SLC1A6: variants seen among roughly 807,000 people sequenced by gnomAD.
SLC1A6 encodes the protein solute carrier family 1 member 6, also known as excitatory amino acid transporter 4.
SLC1A6 carries 15 observed loss-of-function variants against 42.1 expected under a neutral mutation model. The observed-to-expected ratio is 0.36, with a 90% CI of 0.24 to 0.55. The LOEUF (loss-of-function observed/expected upper bound fraction) is 0.55. Among genes scored for constraint, SLC1A6 ranks in the 20% least tolerant of loss-of-function variants. The pLI is 0.88. For missense variants in SLC1A6, 542 were observed against 772.5 expected, an observed-to-expected ratio of 0.70 and a Z score of 3.54; for synonymous variants, 317 against 319.7, an observed-to-expected ratio of 0.99 and a Z score of 0.09.
intron 1 of SLC1A6, among the ~76,000 whole-genome samples, chr19:15,005,155 G>A (rs2045890015): frequency 6.6e-6 from 1 of 151,878 alleles, no homozygotes; most frequent in Non-Finnish European, 1.5e-5. Context: ...AGCTACCCAG[G>A]AGGCTGAGGC....
intron 1 of SLC1A6, among the ~76,000 whole-genome samples, chr19:15,006,633 A>G (rs2045896924): frequency 6.6e-6 from 1 of 151,512 alleles, no homozygotes; most frequent in Non-Finnish European, 1.5e-5. Flanking sequence ...ACTCAATACG[A>G]AAATATTTGG....
chr19:14,973,736 C>T (rs923504909), intron 1 of SLC1A6: 22 of 152,458 alleles, frequency 1.4e-4, no homozygotes, highest in African/African-American at 4.8e-4. Flanking sequence ...ACAAAGCACC[C>T]GGAGGCTAGT....
chr19:15,003,398 T>C (rs1345171702), intron 1 of SLC1A6, among the ~76,000 whole-genome samples: 1 of 152,086 alleles, frequency 6.6e-6, no homozygotes, highest in Admixed American at 6.5e-5. Context: ...AGGAAGCACC[T>C]CCTCTCCCAG....
At chr19:15,008,488 G>A (rs2045907350) in intron 1 of SLC1A6, among the ~76,000 whole-genome samples, 1 of 152,082 alleles carries the variant, frequency 6.6e-6, no homozygotes, top group Admixed American at 6.6e-5. Context: ...AACCTCTAGG[G>A]AAACAGATGG....
At position 14,952,917 on chromosome 19, in the gene SLC1A6, A is replaced by G. The variant is rs989501275; in HGVS notation, c.1499+11T>C. 1 of 1,612,950 alleles carries G rather than the reference A, an allele frequency of 6.2e-7. No homozygotes were observed. The highest frequency in any genetic ancestry group is 8.5e-7 in the Non-Finnish European group (1 of 1,179,410). ...GCAGGAGCACCAGGGTCCAGCCTAG[A>G]GAACACTCACAGGAACCAGTCCACG... On this transcript the variant is annotated intron_variant, in intron 9 of 9. Transcript: ENST00000594383.
intron 8 of SLC1A6, among the ~76,000 whole-genome samples, chr19:14,953,888 A>G (rs2045436132): frequency 6.6e-6 from 1 of 152,218 alleles, no homozygotes; most frequent in South Asian, 2.1e-4. Context: ...AAAACACTGG[A>G]CAAATGGATC....
chr19:15,002,655 C>T (rs899926458), intron 1 of SLC1A6, among the ~76,000 whole-genome samples: 10 of 152,142 alleles, frequency 6.6e-5, no homozygotes, highest in African/African-American at 7.2e-5. Flanking sequence ...GATGCCTAAC[C>T]CAGCTGAAAA....
upstream of SLC1A6, among the ~76,000 whole-genome samples, chr19:14,984,241 G>A (rs183512011): frequency 3.3e-5 from 5 of 152,218 alleles, no homozygotes; most frequent in Admixed American, 1.3e-4. Context: ...CCCAGGAGGC[G>A]GAAGTTGCAG....
chr19:14,985,024 G>C (rs2045786486), intron 1 of SLC1A6, among the ~76,000 whole-genome samples: 1 of 152,152 alleles, frequency 6.6e-6, no homozygotes, highest in African/African-American at 2.4e-5. Flanking sequence ...TGGGATTACA[G>C]GTGCGTGCCA....
chr19:14,971,983 ATAT>A, intron 2 of SLC1A6, 109 bp from the exon 3 acceptor site: 1 of 1,015,278 alleles, frequency 9.8e-7, no homozygotes, highest in Non-Finnish European at 1.5e-6. Flanking sequence ...AGGGAGAGAA[ATAT>A]CCTATGAGTG....
At chr19:14,950,426 G>T in intron 9 of SLC1A6, 36 bp from the exon 10 acceptor site, 1 of 1,460,528 alleles carries the variant, frequency 6.8e-7, no homozygotes, top group Non-Finnish European at 9.2e-7. Context: ...CATTAATGGG[G>T]GCTTGAAAAG....
At chr19:14,981,443 G>A (rs1568297179), upstream of SLC1A6, among the ~76,000 whole-genome samples, 5 of 152,156 alleles carry the variant, frequency 3.3e-5, no homozygotes, top group South Asian at 4.1e-4. Context: ...TGTCCTAGAT[G>A]TCAGATTCCC....
At chr19:14,953,719 G>T (rs1386614212) in intron 8 of SLC1A6, among the ~76,000 whole-genome samples, 1 of 152,170 alleles carries the variant, frequency 6.6e-6, no homozygotes, top group African/African-American at 2.4e-5. Flanking sequence ...AGACCTGAAG[G>T]AGATGACAAT....
chr19:14,968,359 G>C lies in SLC1A6; in HGVS notation c.492C>G (p.His164Gln), dbSNP rs201096885. The C allele has an allele frequency of 3.9e-5, 63 of 1,613,702 alleles. No homozygotes were observed. The highest frequency in any genetic ancestry group is 3.2e-4 in the South Asian group (29 of 90,954). Residue 164 changes from histidine to glutamine, a missense_variant, in exon 4 of 10, where the codon CAC becomes CAG. Transcript: ENST00000594383. ...GGATGGTCTCGATCCGGCCCTCCCG[G>C]TGCAGCCCCTCCTTGGAGCCCTTCC... ...HPGKGSKEGL[H>Q]REGRIETIPT...
Position 14,968,360 on chromosome 19 carries a change from T to C in SLC1A6, c.491A>G (p.His164Arg), listed in dbSNP as rs1387558838. Residue 164 changes from histidine to arginine, a missense_variant, in exon 4 of 10, where the codon CAC becomes CGC. Physicochemically the swap from His to Arg is conservative, Grantham distance 29. This residue lies in a region of SLC1A6 where 298 missense variants were observed against 419.4 expected (regional missense o/e 0.71). Coordinates refer to ENST00000594383, the MANE Select transcript of SLC1A6 (RefSeq NM_005071.3). Reference protein sequence around the residue: ...HPGKGSKEGLHREGRIETIPT... With the variant: ...HPGKGSKEGLRREGRIETIPT... ...GATGGTCTCGATCCGGCCCTCCCGG[T>C]GCAGCCCCTCCTTGGAGCCCTTCCC... 1.2e-6 allele frequency: 2 copies of C among 1,613,852 alleles called. No individual in the cohort carries two copies. The highest frequency in any genetic ancestry group is 1.7e-6 in the Non-Finnish European group (2 of 1,179,920).
intron 1 of SLC1A6, among the ~76,000 whole-genome samples, chr19:14,999,603 A>G (rs2045863498): frequency 6.6e-6 from 1 of 152,230 alleles, no homozygotes; most frequent in Non-Finnish European, 1.5e-5. Flanking sequence ...CTTGGTTTAC[A>G]TGCATTATCT....
upstream of SLC1A6, among the ~76,000 whole-genome samples, chr19:14,982,168 G>C (rs2045771547): frequency 6.6e-6 from 1 of 152,100 alleles, no homozygotes; most frequent in African/African-American, 2.4e-5. Context: ...TGAGATCCTA[G>C]AAAAGAAAAA....
intron 1 of SLC1A6, among the ~76,000 whole-genome samples, chr19:14,984,932 A>C (rs1479633347): frequency 6.6e-6 from 1 of 152,150 alleles, no homozygotes; most frequent in Non-Finnish European, 1.5e-5. Flanking sequence ...CCCAGGCTGG[A>C]GTGCAGTGGT....
chr19:14,954,062 C>T, intron 8 of SLC1A6, 73 bp downstream of exon 8: 3 of 1,201,476 alleles, frequency 2.5e-6, no homozygotes, highest in Non-Finnish European at 3.5e-6. Context: ...CCTCCTCCCT[C>T]CCCAACCCTC....
Sources: allele counts gnomAD v4.1 joint callset (sites outside exome capture counted in the v4.1 genomes callset), GRCh38; gene constraint gnomAD v4.1.1; regional missense constraint gnomAD v4.1.1; transcripts MANE v1.5; gene names NCBI Gene and HGNC (gene_info 2026-07-23, HGNC 2026-07-21).